The following IQCM variants were observed in gnomAD, a reference collection of about 807,000 sequenced individuals.
IQCM encodes IQ domain-containing protein M.
In IQCM, 45 loss-of-function variants were observed where a neutral mutation model predicts 57.6. The observed-to-expected ratio is 0.78, with a 90% confidence interval of 0.62 to 1.00. The LOEUF (loss-of-function observed/expected upper bound fraction) is 1.00, where lower values mean the gene tolerates loss of function less well. Among genes scored for constraint, IQCM ranks in the 50% least tolerant of loss-of-function variants. The pLI is 0.00. For missense variants in IQCM, 468 were observed against 511.6 expected, an observed-to-expected ratio of 0.91 and a Z score of 0.82; for synonymous variants, 148 against 158.9, an observed-to-expected ratio of 0.93 and a Z score of 0.51.
intron 13 of IQCM, among the ~76,000 whole-genome samples, chr4:149,361,959 A>G (rs1729523253): frequency 6.6e-6 from 1 of 152,122 alleles, no homozygotes; most frequent in Non-Finnish European, 1.5e-5. Flanking sequence ...GGGAGGCTGT[A>G]CCCTGTAAAA....
chr4:149,755,762 T>C (rs1211717793), intron 2 of IQCM, among the ~76,000 whole-genome samples: 1 of 152,174 alleles, frequency 6.6e-6, no homozygotes, highest in Non-Finnish European at 1.5e-5. Flanking sequence ...GCTGGACTAC[T>C]TTTTCCAGGT....
chr4:149,658,744 A>G (rs1304334683), intron 7 of IQCM, among the ~76,000 whole-genome samples: 4 of 152,074 alleles, frequency 2.6e-5, no homozygotes, highest in Non-Finnish European at 5.9e-5. Flanking sequence ...TATAGCTATC[A>G]TGGAATTGTT....
chr4:149,520,516 C>T (rs1010253967), intron 12 of IQCM, among the ~76,000 whole-genome samples: 2 of 152,052 alleles, frequency 1.3e-5, no homozygotes, highest in African/African-American at 4.8e-5. Context: ...GCCTCCTTGG[C>T]AGAAAGCTAG....
At chr4:149,739,085 T>C (rs962844003) in intron 3 of IQCM, among the ~76,000 whole-genome samples, 1 of 152,178 alleles carries the variant, frequency 6.6e-6, no homozygotes, top group African/African-American at 2.4e-5. Flanking sequence ...TCAAGTGCAC[T>C]TCACCTATTA....
chr4:149,478,398 A>G (rs998537641), intron 12 of IQCM, among the ~76,000 whole-genome samples: 4 of 152,172 alleles, frequency 2.6e-5, no homozygotes, highest in African/African-American at 7.2e-5. Flanking sequence ...CCAGCCTGGA[A>G]CAAGGGTTGT....
At chr4:149,800,428 A>C (rs910416925) in intron 2 of IQCM, among the ~76,000 whole-genome samples, 1 of 151,848 alleles carries the variant, frequency 6.6e-6, no homozygotes, top group East Asian at 1.9e-4. Flanking sequence ...TTTCCTCTAA[A>C]ATCTGGAACA....
chr4:149,667,377 A>G (rs1001317124), intron 7 of IQCM, among the ~76,000 whole-genome samples: 2 of 152,162 alleles, frequency 1.3e-5, no homozygotes, highest in Non-Finnish European at 2.9e-5. Context: ...AGAAAGGAAG[A>G]GCATCAACAT....
intron 12 of IQCM, among the ~76,000 whole-genome samples, chr4:149,450,118 T>A (rs1736948694): frequency 1.3e-5 from 2 of 151,782 alleles, no homozygotes; most frequent in African/African-American, 4.8e-5. Context: ...AAAAGACAAT[T>A]TCTTCAATAA....
At chr4:149,665,124 T>A (rs1760594681) in intron 7 of IQCM, among the ~76,000 whole-genome samples, 1 of 152,144 alleles carries the variant, frequency 6.6e-6, no homozygotes. Flanking sequence ...CAGTGGCTAC[T>A]GGCCCCTGGG....
chr4:149,361,876 T>A (rs1009573539), intron 13 of IQCM, among the ~76,000 whole-genome samples: 1 of 152,072 alleles, frequency 6.6e-6, no homozygotes, highest in Non-Finnish European at 1.5e-5. Context: ...GAATGCTAAA[T>A]CCATCAACAG....
At position 149,402,471 on chromosome 4, in the gene IQCM, T is replaced by C. The variant is rs77982131; in HGVS notation, c.1390+30925A>G. 3.8e-3 allele frequency among the ~76,000 whole-genome samples: 578 copies of C among 151,916 alleles called. 6 individuals are homozygous for C. Among genetic ancestry groups the C allele is most frequent in the African/African-American group, 0.013 (556 of 41,526 alleles). On this transcript the variant is annotated intron_variant, in intron 13 of 13. Coordinates refer to ENST00000636793, the MANE Select transcript of IQCM (RefSeq NM_001363507.2). ...TTCTGAAACTGTGTTTTCAAACATA[T>C]ATCTAATACTAACTCTAGGCCATGA...
At chr4:149,710,791 G>A (rs1764504987) in intron 5 of IQCM, among the ~76,000 whole-genome samples, 1 of 152,048 alleles carries the variant, frequency 6.6e-6, no homozygotes, top group South Asian at 2.1e-4. Flanking sequence ...TTTCTTTTCT[G>A]GTGAAGTTTC....
chr4:149,730,075 T>C (rs1766320028), intron 5 of IQCM, among the ~76,000 whole-genome samples: 1 of 152,146 alleles, frequency 6.6e-6, no homozygotes, highest in Non-Finnish European at 1.5e-5. Context: ...GATTCCAACT[T>C]ATTGGTGGTG....
At chr4:149,801,539 A>C (rs1217544589) in intron 2 of IQCM, among the ~76,000 whole-genome samples, 7 of 152,068 alleles carry the variant, frequency 4.6e-5, no homozygotes, top group Non-Finnish European at 8.8e-5. Context: ...GTACTTATAC[A>C]CAATGGAGTA....
At chr4:149,542,878 T>C (rs1747996300) in intron 12 of IQCM, among the ~76,000 whole-genome samples, 1 of 152,076 alleles carries the variant, frequency 6.6e-6, no homozygotes, top group Admixed American at 6.6e-5. Context: ...TTATCTTCCT[T>C]TTACAGCTGA....
chr4:149,608,943 A>T (rs1755032639), intron 8 of IQCM, among the ~76,000 whole-genome samples: 1 of 151,744 alleles, frequency 6.6e-6, no homozygotes, highest in Non-Finnish European at 1.5e-5. Flanking sequence ...ACCATGAAGG[A>T]TCAAAAACCA....
intron 12 of IQCM, among the ~76,000 whole-genome samples, chr4:149,515,070 A>ATGTGTGTG (rs1744806911): frequency 1.1e-4 from 4 of 37,082 alleles, no homozygotes; most frequent in African/African-American, 2.6e-4. Context: ...ATATATATAC[A>ATGTGTGTG]CGTGTGTGTG....
At chr4:149,398,476 A>G (rs1732388297) in intron 13 of IQCM, among the ~76,000 whole-genome samples, 1 of 152,048 alleles carries the variant, frequency 6.6e-6, no homozygotes, top group Admixed American at 6.6e-5. Context: ...AATAAATATT[A>G]TATCTTCCAA....
chr4:149,744,013 T>G (rs1767697452), intron 2 of IQCM, among the ~76,000 whole-genome samples: 1 of 152,182 alleles, frequency 6.6e-6, no homozygotes. Context: ...ATTCAAAACC[T>G]ATTAAATAAT....
Sources: gnomAD v4.1 joint callset for allele counts (sites outside exome capture counted in the v4.1 genomes callset) on GRCh38, gnomAD v4.1.1 for gene constraint, MANE v1.5 for transcripts, NCBI Gene and HGNC (gene_info 2026-07-23, HGNC 2026-07-21) for gene names.